LYRM4: variants seen among roughly 807,000 people sequenced by gnomAD.
LYRM4 encodes the protein LYR motif-containing protein 4.
Under a neutral mutation model 11.7 loss-of-function variants are expected in LYRM4, and 9 were observed. The ratio of observed to expected loss-of-function variants is 0.77; its 90% CI spans 0.46 to 1.34. The LOEUF is 1.34. Ranked by LOEUF, LYRM4 falls within the 40% of genes most tolerant of loss-of-function variation. LYRM4 has a pLI of 0.00. For synonymous variants in LYRM4, 42 were observed against 40.4 expected, an observed-to-expected ratio of 1.04 and a Z score of -0.15; for missense variants, 133 against 112.5, an observed-to-expected ratio of 1.18 and a Z score of -0.82.
chr6:5,075,941 ATTTT>A, the LYRM4 span, among the ~76,000 whole-genome samples: 1 of 145,452 alleles, frequency 6.9e-6, no homozygotes, highest in Non-Finnish European at 1.5e-5. Context: ...GGGTTTATGT[ATTTT>A]TTTTTTTTTT....
the LYRM4 span, among the ~76,000 whole-genome samples, chr6:5,079,291 G>A: frequency 3.9e-5 from 6 of 152,130 alleles, no homozygotes; most frequent in African/African-American, 1.2e-4. Context: ...GAAAGACAAA[G>A]GTTAATTTAG....
At chr6:5,086,374 G>A in the LYRM4 span, 1 of 1,536,102 alleles carries the variant, frequency 6.5e-7, no homozygotes, top group Non-Finnish European at 8.7e-7. Context: ...AGAGCCAGGC[G>A]CCGAGTGCTT....
chr6:5,133,749 C>T (rs916095156), intron 2 of LYRM4, among the ~76,000 whole-genome samples: 1 of 152,206 alleles, frequency 6.6e-6, no homozygotes, highest in East Asian at 1.9e-4. Context: ...AAACCCCATA[C>T]TCATTAAGCA....
intron 2 of LYRM4, among the ~76,000 whole-genome samples, chr6:5,115,922 G>GT (rs1198063296): frequency 6.6e-6 from 1 of 152,134 alleles, no homozygotes; most frequent in Non-Finnish European, 1.5e-5. Context: ...TACTGAAATG[G>GT]TAAGTGGGCC....
At chr6:5,056,779 G>A in the LYRM4 span, among the ~76,000 whole-genome samples, 2 of 152,166 alleles carry the variant, frequency 1.3e-5, no homozygotes, top group Admixed American at 6.5e-5. Flanking sequence ...TGAAGTCAGA[G>A]GTTCACATGG....
intron 1 of LYRM4, among the ~76,000 whole-genome samples, chr6:5,252,213 T>C (rs555876234): frequency 6.6e-6 from 1 of 152,320 alleles, no homozygotes; most frequent in East Asian, 1.9e-4. Flanking sequence ...TGCAGGCTTA[T>C]TCACAGGATG....
At chr6:5,118,526 TC>T (rs1458386777) in intron 2 of LYRM4, among the ~76,000 whole-genome samples, 2 of 152,128 alleles carry the variant, frequency 1.3e-5, no homozygotes, top group Non-Finnish European at 1.5e-5. Context: ...TCTGTGGCCC[TC>T]CTCTGGCTTA....
chr6:5,111,116 T>C (rs1762861292), intron 2 of LYRM4, among the ~76,000 whole-genome samples: 1 of 152,194 alleles, frequency 6.6e-6, no homozygotes, highest in African/African-American at 2.4e-5. Flanking sequence ...CCACCCTGAA[T>C]AGTACATGGT....
intron 2 of LYRM4, among the ~76,000 whole-genome samples, chr6:5,119,697 G>A (rs1252193015): frequency 6.8e-6 from 1 of 146,190 alleles, no homozygotes; most frequent in Non-Finnish European, 1.5e-5. Context: ...GCTGAGGCAG[G>A]AGAAATGCTT....
At chr6:5,222,170 A>C (rs1380724666) in intron 1 of LYRM4, among the ~76,000 whole-genome samples, 1 of 152,230 alleles carries the variant, frequency 6.6e-6, no homozygotes, top group Non-Finnish European at 1.5e-5. Flanking sequence ...TTTCTGGCTC[A>C]CCACTGTATG....
At chr6:5,041,577 C>T in the LYRM4 span, among the ~76,000 whole-genome samples, 3 of 152,132 alleles carry the variant, frequency 2.0e-5, no homozygotes, top group African/African-American at 7.2e-5. Context: ...TTTAATGGGC[C>T]CATGTTTCGT....
intron 2 of LYRM4, among the ~76,000 whole-genome samples, chr6:5,191,509 G>A (rs180809229): frequency 1.6e-4 from 25 of 152,332 alleles, no homozygotes; most frequent in Admixed American, 5.9e-4. Flanking sequence ...AAGGTCATGA[G>A]TTTGTGAAAC....
chr6:5,259,438 C>A (rs988448338), intron 1 of LYRM4, among the ~76,000 whole-genome samples: 5 of 152,236 alleles, frequency 3.3e-5, no homozygotes, highest in African/African-American at 1.2e-4. Context: ...AACCACTTAA[C>A]TGGGTGGATA....
chr6:5,228,539 A>G (rs1265234123), intron 1 of LYRM4, among the ~76,000 whole-genome samples: 1 of 152,032 alleles, frequency 6.6e-6, no homozygotes, highest in African/African-American at 2.4e-5. Context: ...TGGTCTCCCA[A>G]AGTGCTGGGA....
Position 5,108,789 on chromosome 6 carries a change from T to G in LYRM4, c.*634A>C. ...GCAAATTCCCAGGTGGGGCTGAGGT[T>G]GCTGATCTGCAGTGCTCCATCTCTG... On this transcript the variant is annotated 3_prime_UTR_variant, in exon 3 of 3. Coordinates refer to ENST00000330636, the MANE Select transcript of LYRM4 (RefSeq NM_020408.6). The G allele has an allele frequency of 1.0e-6, 1 of 985,900 alleles. No homozygotes were observed. Among genetic ancestry groups the G allele is most frequent in the Non-Finnish European group, 1.2e-6 (1 of 829,990 alleles). The allele number at this position is 985,900 out of a possible 1,614,324, so 61.1% of individuals were successfully genotyped here. A position where few individuals can be genotyped will look rare whatever the true frequency, so the allele number is the denominator to read the frequency against.
chr6:5,038,254 T>C, the LYRM4 span, among the ~76,000 whole-genome samples: 5 of 47,048 alleles, frequency 1.1e-4, no homozygotes, highest in African/African-American at 1.7e-4. Context: ...GGATGGCGGC[T>C]GGGAAGAGGC....
the LYRM4 span, among the ~76,000 whole-genome samples, chr6:5,097,875 A>G: frequency 6.6e-6 from 1 of 152,192 alleles, no homozygotes; most frequent in African/African-American, 2.4e-5. Context: ...ACTTACATAC[A>G]CTGCGTTTCC....
At chr6:5,122,231 C>G (rs1763489912) in intron 2 of LYRM4, among the ~76,000 whole-genome samples, 1 of 152,108 alleles carries the variant, frequency 6.6e-6, no homozygotes, top group Admixed American at 6.6e-5. Context: ...CTGCCAGCAC[C>G]CTGCTTGGTT....
chr6:5,246,952 G>C (rs1327750221), intron 1 of LYRM4, among the ~76,000 whole-genome samples: 8 of 152,156 alleles, frequency 5.3e-5, no homozygotes, highest in Admixed American at 4.6e-4. Context: ...ACCACCCACA[G>C]AGATCTGAGG....
Sources: gnomAD v4.1 joint callset for allele counts (sites outside exome capture counted in the v4.1 genomes callset) on GRCh38, gnomAD v4.1.1 for gene constraint, MANE v1.5 for transcripts, NCBI Gene and HGNC (gene_info 2026-07-23, HGNC 2026-07-21) for gene names.